The following ZBTB20 variants were observed in gnomAD, a reference collection of about 807,000 sequenced individuals.
ZBTB20 encodes the protein zinc finger and BTB domain containing 20, also known as zinc finger and BTB domain-containing protein 20.
A neutral mutation model predicts 56.9 loss-of-function variants in ZBTB20; 9 were observed. The observed-to-expected ratio is 0.16, with a 90% CI of 0.10 to 0.28. The LOEUF is 0.28. ZBTB20 is among the 10% of genes least tolerant of loss of function. ZBTB20 has a pLI of 1.00. For missense variants in ZBTB20, 655 were observed against 1,003.0 expected (o/e 0.65, Z 4.69); for synonymous variants, 417 against 420.7 (o/e 0.99, Z 0.11).
intron 6 of ZBTB20, among the ~76,000 whole-genome samples, chr3:114,536,059 C>T (rs1276129219): frequency 1.3e-5 from 2 of 152,188 alleles, no homozygotes; most frequent in African/African-American, 2.4e-5. Flanking sequence ...TGGGCAAATG[C>T]TGGACGCATT....
At chr3:114,950,167 C>A (rs545363317) in intron 3 of ZBTB20, among the ~76,000 whole-genome samples, 1 of 152,286 alleles carries the variant, frequency 6.6e-6, no homozygotes, top group Admixed American at 6.5e-5. Context: ...GGGGAATACA[C>A]TCCACCTCCC....
chr3:114,911,046 T>G lies in ZBTB20; in HGVS notation c.-455-10704A>C, dbSNP rs1015532634. 2.0e-5 allele frequency among the ~76,000 whole-genome samples: 3 copies of G among 152,130 alleles called. No homozygotes were observed. The South Asian group carries it at 6.2e-4, about 32-fold the overall frequency. On this transcript the variant is annotated intron_variant, in intron 3 of 11. Coordinates refer to ENST00000675478, the MANE Select transcript of ZBTB20 (RefSeq NM_001348800.3). ...TATTTTCTCTGTCCTATTCTTGTTC[T>G]TCAATACCCTACATGAGAGAACAGG...
chr3:114,478,389 T>C (rs1576988381), intron 7 of ZBTB20, among the ~76,000 whole-genome samples: 1 of 152,332 alleles, frequency 6.6e-6, no homozygotes, highest in East Asian at 1.9e-4. Context: ...TCCCATTCAC[T>C]TTAATCAGAA....
At chr3:114,940,853 T>C (rs939533466) in intron 3 of ZBTB20, among the ~76,000 whole-genome samples, 2 of 145,872 alleles carry the variant, frequency 1.4e-5, no homozygotes, top group African/African-American at 5.6e-5. Context: ...ATGAAAGAAA[T>C]GCATTCAGGG....
intron 6 of ZBTB20, among the ~76,000 whole-genome samples, chr3:114,590,103 A>G (rs1161916889): frequency 2.0e-5 from 3 of 152,194 alleles, no homozygotes; most frequent in Non-Finnish European, 2.9e-5. Flanking sequence ...AGTCTACTGC[A>G]TATTTTTTTA....
chr3:115,114,996 G>A (rs2083979937), intron 1 of ZBTB20, among the ~76,000 whole-genome samples: 1 of 151,990 alleles, frequency 6.6e-6, no homozygotes, highest in South Asian at 2.1e-4. Flanking sequence ...AACCTCAAGT[G>A]GTGCAAATGA....
At position 114,351,349 on chromosome 3, in the gene ZBTB20, G is replaced by A. The variant is rs1034197688; in HGVS notation, c.729C>T (p.Ile243=). 6 of 1,609,986 alleles carry A rather than the reference G, an allele frequency of 3.7e-6. No individual in the cohort carries two copies. Residue 243 remains isoleucine, a synonymous_variant, in exon 11 of 12, where the codon ATC becomes ATT. Coordinates refer to ENST00000675478, the MANE Select transcript of ZBTB20 (RefSeq NM_001348800.3). ...QSHPQHSVDR[I]YSALYACSMQ... is the part of the protein sequence containing the mutation. ...TGGAGCACGCGTAGAGTGCCGAGTA[G>A]ATCCTGTCCACGCTGTGCTGTGGGT...
rs2075058251 is a variant in ZBTB20, at chr3:114,900,330, C to A, written c.-443G>T. 1 of 140,784 alleles carries A rather than the reference C, an allele frequency of 7.1e-6. No homozygotes were observed. Among genetic ancestry groups the A allele is most frequent in the South Asian group, 2.4e-4 (1 of 4,164 alleles). The allele number at this position is 140,784 out of a possible 1,614,324, so 8.7% of individuals were successfully genotyped here. A position where few individuals can be genotyped will look rare whatever the true frequency, so the allele number is the denominator to read the frequency against. On this transcript the variant is annotated 5_prime_UTR_variant, in exon 4 of 12. Transcript: ENST00000675478. ...TGTGCAGCTATGGGGCACAAACTTG[C>A]AATTCATCAATTCTGAAATGTAAAA...
chr3:114,320,069 C>T lies in ZBTB20; in HGVS notation c.*18936G>A, dbSNP rs1181080031. 6.6e-6 allele frequency: 1 copy of T among 152,076 alleles called. No homozygotes were observed. Among genetic ancestry groups the T allele is most frequent in the African/African-American group, 2.4e-5 (1 of 41,394 alleles). The allele number at this position is 152,076 out of a possible 1,614,324, so 9.4% of individuals were successfully genotyped here. A position where few individuals can be genotyped will look rare whatever the true frequency, so the allele number is the denominator to read the frequency against. ...AGAGGAATGCTCTGTTTTCTCCATCCCCATTGAACTACCAGGTTCCTTTTA... is the reference window on the plus strand; with the variant it reads ...AGAGGAATGCTCTGTTTTCTCCATCTCCATTGAACTACCAGGTTCCTTTTA... On this transcript the variant is annotated 3_prime_UTR_variant, in exon 12 of 12. Transcript: ENST00000675478.
chr3:114,332,858 G>C lies in ZBTB20; in HGVS notation c.*6147C>G, dbSNP rs933741985. The stretch of plus-strand genomic sequence containing the variant: ...CCACTGGCAGGTGTTTTAGTCAGTG[G>C]TGTGGAAAGATAATGTTTCTTGTTT... On this transcript the variant is annotated 3_prime_UTR_variant, in exon 12 of 12. Transcript: ENST00000675478. The C allele has an allele frequency of 3.9e-5, 6 of 152,196 alleles. No individual in the cohort carries two copies. Among genetic ancestry groups the C allele is most frequent in the African/African-American group, 1.4e-4 (6 of 41,446 alleles). 9.4% of individuals were successfully genotyped at this position (152,196 alleles called of 1,614,324 possible).
chr3:114,354,964 G>T (rs547492302), intron 10 of ZBTB20, among the ~76,000 whole-genome samples: 1 of 152,250 alleles, frequency 6.6e-6, no homozygotes, highest in Admixed American at 6.5e-5. Flanking sequence ...CCAAAGTTTT[G>T]CACAGTAGCA....
intron 5 of ZBTB20, among the ~76,000 whole-genome samples, chr3:114,745,018 C>A (rs2066922071): frequency 6.6e-6 from 1 of 152,094 alleles, no homozygotes; most frequent in Admixed American, 6.6e-5. Context: ...CTTTGAAAAA[C>A]ATCAGGGATA....
At chr3:115,044,128 C>T (rs1005909915) in intron 2 of ZBTB20, among the ~76,000 whole-genome samples, 3 of 152,150 alleles carry the variant, frequency 2.0e-5, no homozygotes, top group African/African-American at 7.2e-5. Flanking sequence ...GCCTGCAGAA[C>T]TATGAGCCAA....
rs71146320 is a variant in ZBTB20 at position 114,434,558 on chromosome 3, T to TTGTGTG, written c.-254-45459_-254-45454dup. ...GCAATTGGGGTGTGTGTGTGTGTGT[T>TTGTGTG]TGTGTGTGTGTGTGTGTGTATCTTT... On this transcript the variant is annotated intron_variant, in intron 7 of 11. Transcript: ENST00000675478. Among the ~76,000 whole-genome samples the TTGTGTG allele has an allele frequency of 2.3e-4, 34 of 146,048 alleles. 1 individual carries two copies. Among genetic ancestry groups the TTGTGTG allele is most frequent in the South Asian group, 6.7e-4 (3 of 4,446 alleles).
At chr3:115,101,582 T>A (rs1389730615) in intron 1 of ZBTB20, among the ~76,000 whole-genome samples, 1 of 152,206 alleles carries the variant, frequency 6.6e-6, no homozygotes, top group East Asian at 1.9e-4. Flanking sequence ...TCTAGCACTA[T>A]TATCTATCTA....
At chr3:114,797,157 T>C (rs1329722674) in intron 5 of ZBTB20, among the ~76,000 whole-genome samples, 2 of 151,834 alleles carry the variant, frequency 1.3e-5, no homozygotes, top group African/African-American at 4.8e-5. Context: ...TTTTGGTGCA[T>C]AATTCTCATA....
chr3:114,498,645 T>A (rs76137469), intron 7 of ZBTB20, among the ~76,000 whole-genome samples: 146 of 152,270 alleles, frequency 9.6e-4, no homozygotes, highest in African/African-American at 3.3e-3. Context: ...CACAAGGTCA[T>A]GGGTATATGA....
chr3:114,739,449 C>A (rs1483513262), intron 5 of ZBTB20, among the ~76,000 whole-genome samples: 1 of 152,176 alleles, frequency 6.6e-6, no homozygotes, highest in Non-Finnish European at 1.5e-5. Context: ...ACATAGTCCA[C>A]CATCACAGGG....
In ZBTB20 at chr3:114,332,063, T is replaced by G. The variant is rs1018194751; in HGVS notation, c.*6942A>C. The G allele has an allele frequency of 2.0e-5, 3 of 147,362 alleles. No homozygotes were observed. The highest frequency in any genetic ancestry group is 2.0e-4 in the East Asian group (1 of 5,112). The allele number at this position is 147,362 out of a possible 1,614,324, so 9.1% of individuals were successfully genotyped here. ...TAGAAACAGATGCCCCCAAGGTTTT[T>G]TTTTTTTTTTTTTTTTTTTTCTCTC... On this transcript the variant is annotated 3_prime_UTR_variant, in exon 12 of 12. Transcript: ENST00000675478.
Sources: allele counts gnomAD v4.1 joint callset (sites outside exome capture counted in the v4.1 genomes callset), GRCh38; gene constraint gnomAD v4.1.1; transcripts MANE v1.5; gene names NCBI Gene and HGNC (gene_info 2026-07-23, HGNC 2026-07-21).